The following RAPGEF4 variants were observed in gnomAD, a reference collection of about 807,000 sequenced individuals.
RAPGEF4 encodes RAP guanine-nucleotide-exchange factor (GEF) 4.
RAPGEF4 carries 66 observed loss-of-function variants against 147.9 expected under a neutral mutation model. The ratio of observed to expected loss-of-function variants is 0.45; its 90% CI spans 0.37 to 0.55. The LOEUF is 0.55. Ranked by LOEUF, RAPGEF4 falls within the 20% of genes least tolerant of loss-of-function variation. The pLI, the probability that RAPGEF4 is intolerant of heterozygous loss-of-function variation, is 0.00. For synonymous variants in RAPGEF4, 419 were observed against 442.7 expected, an observed-to-expected ratio of 0.95 and a Z score of 0.67; for missense variants, 1,071 against 1,257.3, an observed-to-expected ratio of 0.85 and a Z score of 2.24.
chr2:172,882,806 T>TATC (rs3835839), intron 4 of RAPGEF4, among the ~76,000 whole-genome samples: 7 of 151,842 alleles, frequency 4.6e-5, no homozygotes, highest in South Asian at 2.1e-4. Context: ...ACATTATCAT[T>TATC]ATCATCATCA....
chr2:172,787,599 C>CTTTATTTATTTATTTATTTATTTATTTA (rs60645567), intron 1 of RAPGEF4, among the ~76,000 whole-genome samples: 1 of 145,384 alleles, frequency 6.9e-6, no homozygotes, highest in African/African-American at 2.6e-5. Flanking sequence ...AAACAAAGTG[C>CTTTATTTATTTATTTATTTATTTATTTA]TTTATTTATT....
At chr2:172,788,897 A>T (rs927846931) in intron 1 of RAPGEF4, among the ~76,000 whole-genome samples, 3 of 151,766 alleles carry the variant, frequency 2.0e-5, no homozygotes, top group African/African-American at 7.3e-5. Flanking sequence ...CTATCTAAAT[A>T]AAATAAAATA....
intron 1 of RAPGEF4, among the ~76,000 whole-genome samples, chr2:172,756,790 G>A (rs894457536): frequency 5.3e-5 from 8 of 152,174 alleles, no homozygotes. Context: ...GCTATCCCTT[G>A]CAGAAATGAC....
intron 6 of RAPGEF4, among the ~76,000 whole-genome samples, chr2:172,954,050 C>A (rs1444265212): frequency 6.6e-6 from 1 of 152,114 alleles, no homozygotes; most frequent in Non-Finnish European, 1.5e-5. Context: ...CTTCTCCTTG[C>A]CAGAGCCACA....
At position 172,735,941 on chromosome 2, in the gene RAPGEF4, G is replaced by A; in HGVS notation, c.-43G>A. 2.1e-6 allele frequency: 3 copies of A among 1,421,066 alleles called. No homozygotes were observed. Among genetic ancestry groups the A allele is most frequent in the Admixed American group, 2.6e-5 (1 of 38,508 alleles). The allele number at this position is 1,421,066 out of a possible 1,614,324, so 88.0% of individuals were successfully genotyped here. A position where few individuals can be genotyped will look rare whatever the true frequency, so the allele number is the denominator to read the frequency against. On this transcript the variant is annotated 5_prime_UTR_variant, in exon 1 of 31. Transcript: ENST00000397081. ...GCGGAGGCGCAGGCAGAGCGAGCGC[G>A]GGAGGTCGCCGCAGCCAGGGACACC... is the stretch of plus-strand genomic sequence containing the variant.
chr2:172,982,749 G>A (rs1691818432), intron 10 of RAPGEF4, among the ~76,000 whole-genome samples: 1 of 152,172 alleles, frequency 6.6e-6, no homozygotes, highest in African/African-American at 2.4e-5. Flanking sequence ...AGTCCTTGAA[G>A]GCATGTTATT....
chr2:172,913,023 C>T (rs1047588129), intron 4 of RAPGEF4, among the ~76,000 whole-genome samples: 3 of 151,270 alleles, frequency 2.0e-5, no homozygotes, highest in Non-Finnish European at 4.4e-5. Flanking sequence ...AGCCTCTCAA[C>T]TATCTGGGAT....
At chr2:172,924,774 A>G (rs1685107705) in intron 6 of RAPGEF4, among the ~76,000 whole-genome samples, 1 of 152,210 alleles carries the variant, frequency 6.6e-6, no homozygotes, top group Non-Finnish European at 1.5e-5. Flanking sequence ...CTTTAACTAC[A>G]TGCTGGGCAA....
intron 1 of RAPGEF4, among the ~76,000 whole-genome samples, chr2:172,792,868 T>C (rs1685966246): frequency 6.6e-6 from 1 of 152,232 alleles, no homozygotes. Context: ...TTTTGTGGGT[T>C]GTACATTCTT....
intron 1 of RAPGEF4, among the ~76,000 whole-genome samples, chr2:172,745,419 C>T (rs1278280703): frequency 6.6e-6 from 1 of 151,430 alleles, no homozygotes; most frequent in Non-Finnish European, 1.5e-5. Flanking sequence ...TAGTGTTGTT[C>T]TGTCCTTTGT....
intron 17 of RAPGEF4, 139 bp downstream of exon 17, chr2:173,001,483 T>C: frequency 9.4e-7 from 1 of 1,061,120 alleles, no homozygotes; most frequent in Non-Finnish European, 1.4e-6. Context: ...CACTGAAATG[T>C]GTTTTCCCAC....
intron 4 of RAPGEF4, among the ~76,000 whole-genome samples, chr2:172,890,457 T>C (rs971015893): frequency 3.3e-5 from 5 of 152,252 alleles, no homozygotes; most frequent in Non-Finnish European, 5.9e-5. Context: ...TGAAGAGTAA[T>C]CATTGGTTAT....
intron 29 of RAPGEF4, among the ~76,000 whole-genome samples, chr2:173,039,928 G>T (rs540746358): frequency 6.6e-6 from 1 of 152,172 alleles, no homozygotes; most frequent in Non-Finnish European, 1.5e-5. Flanking sequence ...GGTGGCTCAT[G>T]TCTGTAATCC....
chr2:172,851,535 G>A (rs112929622), intron 4 of RAPGEF4, among the ~76,000 whole-genome samples: 2 of 152,152 alleles, frequency 1.3e-5, no homozygotes, highest in East Asian at 1.9e-4. Context: ...CAAAGACATG[G>A]AATCAACTTA....
chr2:172,832,420 C>T (rs760799044), intron 4 of RAPGEF4, among the ~76,000 whole-genome samples: 11 of 152,190 alleles, frequency 7.2e-5, no homozygotes, highest in Non-Finnish European at 1.3e-4. Flanking sequence ...ATCTCTTGTT[C>T]TCCTCAGAGG....
At chr2:172,752,219 A>T (rs1315517830) in intron 1 of RAPGEF4, among the ~76,000 whole-genome samples, 3 of 152,132 alleles carry the variant, frequency 2.0e-5, no homozygotes, top group Non-Finnish European at 4.4e-5. Flanking sequence ...CTAGTGATGA[A>T]TTTGTCTGGT....
intron 15 of RAPGEF4, among the ~76,000 whole-genome samples, chr2:172,993,876 G>C (rs1308104578): frequency 6.6e-6 from 1 of 152,180 alleles, no homozygotes; most frequent in Non-Finnish European, 1.5e-5. Context: ...GAAGTCTTTG[G>C]TAGCAAAAGA....
chr2:172,911,299 G>T (rs1700069988), intron 4 of RAPGEF4, among the ~76,000 whole-genome samples: 1 of 152,150 alleles, frequency 6.6e-6, no homozygotes, highest in Admixed American at 6.5e-5. Context: ...ATAGGGGATA[G>T]GGAAACTGCA....
intron 4 of RAPGEF4, among the ~76,000 whole-genome samples, chr2:172,887,277 G>A (rs1397262668): frequency 4.0e-5 from 6 of 151,830 alleles, no homozygotes; most frequent in African/African-American, 1.5e-4. Context: ...TAAATTTAAT[G>A]ATACAGGGTA....
Sources: gnomAD v4.1 joint callset for allele counts (sites outside exome capture counted in the v4.1 genomes callset) on GRCh38, gnomAD v4.1.1 for gene constraint, MANE v1.5 for transcripts, NCBI Gene and HGNC (gene_info 2026-07-23, HGNC 2026-07-21) for gene names.